The following MRPL45 variants were observed in gnomAD, a reference collection of about 807,000 sequenced individuals.
The protein encoded by MRPL45 is large ribosomal subunit protein mL45.
A neutral mutation model predicts 38.1 loss-of-function variants in MRPL45; 20 were observed. That is an observed-to-expected ratio of 0.53 (90% CI 0.37 to 0.76). The LOEUF (loss-of-function observed/expected upper bound fraction) is 0.76, where lower values mean the gene tolerates loss of function less well. MRPL45 is among the 30% of genes least tolerant of loss of function. MRPL45 has a pLI of 0.00. For synonymous variants in MRPL45, 105 were observed against 128.8 expected (o/e 0.82, Z 1.25); for missense variants, 337 against 395.6 (o/e 0.85, Z 1.26).
intron 2 of MRPL45, among the ~76,000 whole-genome samples, 167 bp downstream of exon 2, chr17:38,298,793 C>T (rs1291638198): frequency 6.6e-6 from 1 of 152,100 alleles, no homozygotes; most frequent in Non-Finnish European, 1.5e-5. Context: ...GTTCTTTGAA[C>T]TTACTTTCAC....
chr17:38,300,800 G>A (rs1261092804), intron 3 of MRPL45, among the ~76,000 whole-genome samples: 1 of 152,118 alleles, frequency 6.6e-6, no homozygotes, highest in Non-Finnish European at 1.5e-5. Flanking sequence ...TGCAAAATTA[G>A]CCGGGCGTGG....
intron 4 of MRPL45, among the ~76,000 whole-genome samples, chr17:38,314,013 G>A (rs1053823448): frequency 6.6e-6 from 1 of 152,054 alleles, no homozygotes; most frequent in South Asian, 2.1e-4. Flanking sequence ...TGAGTTATAG[G>A]AGTTCTTTAT....
At chr17:38,316,309 T>TA (rs1323013396) in intron 4 of MRPL45, among the ~76,000 whole-genome samples, 3 of 152,324 alleles carry the variant, frequency 2.0e-5, no homozygotes, top group South Asian at 2.1e-4. Flanking sequence ...TAGTGAATTT[T>TA]AAAATTTATT....
Position 38,313,353 on chromosome 17 carries a change from T to TATATATATAC in MRPL45, c.462-5325_462-5324insCATATATATA, listed in dbSNP as rs2037142182. On this transcript the variant is annotated intron_variant, in intron 4 of 7. Coordinates refer to ENST00000613675, the MANE Select transcript of MRPL45 (RefSeq NM_032351.6). Reference sequence around the variant, plus strand: ...ATATACATATATATATATACGTATATATATATATATATACGTATATATATA... The same window carrying TATATATATAC: ...ATATACATATATATATATACGTATATATATATATACATATATATATATACGTATATATATA... Among the ~76,000 whole-genome samples the TATATATATAC allele has an allele frequency of 9.8e-3, 186 of 19,070 alleles. 9 individuals carry two copies. Among genetic ancestry groups the TATATATATAC allele is most frequent in the African/African-American group, 0.043 (179 of 4,176 alleles). 12.5% of individuals were successfully genotyped at this position (19,070 alleles called of 152,430 possible). A position where few individuals can be genotyped will look rare whatever the true frequency, so the allele number is the denominator to read the frequency against.
chr17:38,305,448 C>T (rs1470515928), intron 3 of MRPL45, among the ~76,000 whole-genome samples: 7 of 144,532 alleles, frequency 4.8e-5, no homozygotes, highest in Middle Eastern at 3.5e-3. Context: ...GCCTGTGCGA[C>T]GGAGTGCGAG....
chr17:38,301,984 G>T (rs2046092818), intron 3 of MRPL45, among the ~76,000 whole-genome samples: 1 of 152,028 alleles, frequency 6.6e-6, no homozygotes, highest in Admixed American at 6.6e-5. Flanking sequence ...AGGTGCGGTG[G>T]TGGGCGCCTG....
chr17:38,322,349 CCT>C, intron 7 of MRPL45, 50 bp downstream of exon 7: 1 of 1,590,390 alleles, frequency 6.3e-7, no homozygotes, highest in Non-Finnish European at 8.6e-7. Flanking sequence ...CTCGTGGTCT[CCT>C]AAGCCACTCT....
intron 6 of MRPL45, among the ~76,000 whole-genome samples, chr17:38,321,631 C>A (rs893513270): frequency 2.6e-5 from 4 of 151,882 alleles, no homozygotes; most frequent in African/African-American, 9.7e-5. Context: ...GCGGAGGTTG[C>A]AGTGAGACGA....
rs746975943 is a variant in MRPL45, at chr17:38,322,250, A to G, written c.785A>G (p.His262Arg). ...LTNPYGSWRM[H>R]TKIVPPWAPP... ...AACCCCTATGGAAGCTGGAGAATGC[A>G]TACCAAGATCGTTCCCCCATGGGCA... Residue 262 changes from histidine to arginine, a missense_variant, in exon 7 of 8, where the codon CAT becomes CGT. His to Arg is a conservative substitution (Grantham distance 29, BLOSUM62 0). Around this residue, in one of 3 missense-constraint regions of MRPL45, gnomAD observed 251 missense variants for 269.1 expected, o/e 0.93. Coordinates refer to ENST00000613675, the MANE Select transcript of MRPL45 (RefSeq NM_032351.6). The G allele has an allele frequency of 6.2e-7, 1 of 1,614,148 alleles. No homozygotes were observed. The highest frequency in any genetic ancestry group is 1.1e-5 in the South Asian group (1 of 91,086).
At chr17:38,315,094 C>A (rs1286563682) in intron 4 of MRPL45, among the ~76,000 whole-genome samples, 2 of 152,158 alleles carry the variant, frequency 1.3e-5, no homozygotes, top group African/African-American at 4.8e-5. Context: ...GAATTATAAA[C>A]CAAAAGTACA....
chr17:38,308,246 A>G (rs957686720), intron 4 of MRPL45, among the ~76,000 whole-genome samples: 26 of 150,842 alleles, frequency 1.7e-4, no homozygotes, highest in African/African-American at 6.4e-4. Context: ...TTAGCCTCCC[A>G]AGTAACTGCA....
chr17:38,304,687 G>T (rs1363349594), intron 3 of MRPL45, among the ~76,000 whole-genome samples: 1 of 152,032 alleles, frequency 6.6e-6, no homozygotes, highest in Non-Finnish European at 1.5e-5. Context: ...GGGACTACGG[G>T]CGCCTGCCAC....
intron 4 of MRPL45, among the ~76,000 whole-genome samples, chr17:38,307,095 G>A (rs1203814185): frequency 6.6e-6 from 1 of 151,752 alleles, no homozygotes; most frequent in Non-Finnish European, 1.5e-5. Context: ...GTGCAATGGC[G>A]CAATCTTGGC....
intron 4 of MRPL45, among the ~76,000 whole-genome samples, chr17:38,310,412 T>G (rs965422895): frequency 6.6e-6 from 1 of 151,726 alleles, no homozygotes; most frequent in African/African-American, 2.4e-5. Flanking sequence ...CACTGCATCC[T>G]CTGCCTCCCG....
At position 38,320,790 on chromosome 17, in the gene MRPL45, C is replaced by T. The variant is rs760403073; in HGVS notation, c.660+23C>T. On this transcript the variant is annotated intron_variant, in intron 6 of 7. Transcript: ENST00000613675. ...CAGGTAGAGGCACTCGTCTGCCTTC[C>T]TCCCAGCTTTTTTTCACTCTGAGCT... 4 of 1,612,300 alleles carry T rather than the reference C, an allele frequency of 2.5e-6. No homozygotes were observed. The Admixed American group carries it at 6.7e-5, about 27-fold the overall frequency.
chr17:38,318,687 C>G lies in MRPL45; in HGVS notation c.462C>G (p.Asn154Lys), dbSNP rs746362550. The change falls in exon 5 of 8, where the codon AAC becomes AAG. Residue 154 changes from asparagine (N) to lysine (K), a missense_variant and splice_region_variant. Around this residue, in one of 3 missense-constraint regions of MRPL45, gnomAD observed 251 missense variants for 269.1 expected, o/e 0.93. Coordinates refer to ENST00000613675, the MANE Select transcript of MRPL45 (RefSeq NM_032351.6). ...IFIEAHLCLN[N>K]SDHDRLHTLV... ...TGATATTTATTGCTTTCTTTTCTAGCTCAGACCATGACCGGCTTCATACCT... is the reference window on the plus strand; with the variant it reads ...TGATATTTATTGCTTTCTTTTCTAGGTCAGACCATGACCGGCTTCATACCT... 3.1e-6 allele frequency: 5 copies of G among 1,605,288 alleles called. No individual in the cohort carries two copies. The highest frequency in any genetic ancestry group is 1.7e-5 in the Admixed American group (1 of 59,896).
In MRPL45 at chr17:38,297,222, G is replaced by T; in HGVS notation, c.39G>T (p.Ser13=). The T allele has an allele frequency of 1.2e-6, 2 of 1,614,214 alleles. No individual in the cohort carries two copies. The highest frequency in any genetic ancestry group is 4.5e-5 in the East Asian group (2 of 44,886). Residue 13 remains serine, a synonymous_variant, in exon 1 of 8, where the codon TCG becomes TCT. Transcript: ENST00000613675. ...APIPQGFSCL[S]RFLGWWSRQP... Reference sequence around the variant, plus strand: ...TACCTCAAGGGTTCTCTTGTTTATCGAGGTTTTTGGGCTGGTGGTCTCGGC... The same window carrying T: ...TACCTCAAGGGTTCTCTTGTTTATCTAGGTTTTTGGGCTGGTGGTCTCGGC...
At chr17:38,310,176 C>G (rs371587408) in intron 4 of MRPL45, among the ~76,000 whole-genome samples, 1 of 142,096 alleles carries the variant, frequency 7.0e-6, no homozygotes, top group Non-Finnish European at 1.5e-5. Context: ...TAAAATTCTC[C>G]ATTCTGTCAT....
At chr17:38,311,395 G>T (rs1243545193) in intron 4 of MRPL45, among the ~76,000 whole-genome samples, 4 of 152,058 alleles carry the variant, frequency 2.6e-5, no homozygotes, top group Non-Finnish European at 5.9e-5. Context: ...CCTTATAAAG[G>T]AGACCCGGGG....
Sources: allele counts gnomAD v4.1 joint callset (sites outside exome capture counted in the v4.1 genomes callset), GRCh38; gene constraint gnomAD v4.1.1; regional missense constraint gnomAD v4.1.1; transcripts MANE v1.5; gene names NCBI Gene and HGNC (gene_info 2026-07-23, HGNC 2026-07-21).